Variants in ABCC1 observed in about 807,000 individuals in gnomAD.
ABCC1 encodes the protein ATP binding cassette subfamily C member 1 (ABCC1 blood group), also known as multidrug resistance-associated protein 1.
ABCC1 carries 83 observed loss-of-function variants against 172.9 expected under a neutral mutation model. The ratio of observed to expected loss-of-function variants is 0.48; its 90% CI spans 0.40 to 0.58. ABCC1 has a LOEUF of 0.58. Ranked by LOEUF, ABCC1 falls within the 20% of genes least tolerant of loss-of-function variation. ABCC1 has a pLI of 0.00. For synonymous variants in ABCC1, 937 were observed against 825.2 expected, an observed-to-expected ratio of 1.14 and a Z score of -2.32; for missense variants, 1,817 against 2,002.7, an observed-to-expected ratio of 0.91 and a Z score of 1.77.
intron 1 of ABCC1, among the ~76,000 whole-genome samples, chr16:15,960,003 AAC>A (rs1245371742): frequency 1.4e-4 from 21 of 152,172 alleles, no homozygotes; most frequent in African/African-American, 4.8e-4. Flanking sequence ...CTCTCTGAGG[AAC>A]CTCAGTGTAC....
intron 23 of ABCC1, among the ~76,000 whole-genome samples, chr16:16,118,241 C>A (rs1199133849): frequency 6.6e-6 from 1 of 152,084 alleles, no homozygotes; most frequent in African/African-American, 2.4e-5. Context: ...ATGAGGCTCA[C>A]CATATCTCAA....
chr16:16,055,725 G>A (rs2049622282), intron 11 of ABCC1, among the ~76,000 whole-genome samples: 1 of 151,710 alleles, frequency 6.6e-6, no homozygotes, highest in East Asian at 1.9e-4. Flanking sequence ...CTAACCTAAC[G>A]TGATTTGAAG....
intron 5 of ABCC1, among the ~76,000 whole-genome samples, chr16:16,026,968 T>C (rs1369662593): frequency 2.0e-5 from 3 of 152,118 alleles, no homozygotes; most frequent in East Asian, 3.9e-4. Context: ...AATGTCCTTG[T>C]TGCATTTGCA....
intron 20 of ABCC1, among the ~76,000 whole-genome samples, chr16:16,104,037 G>T (rs995468431): frequency 6.6e-6 from 1 of 151,898 alleles, no homozygotes; most frequent in Non-Finnish European, 1.5e-5. Flanking sequence ...TCTTAAGGTG[G>T]CGTGTCTGGA....
intron 28 of ABCC1, 90 bp downstream of exon 28, chr16:16,134,598 A>G (rs532032662): frequency 4.3e-6 from 6 of 1,402,902 alleles, no homozygotes; most frequent in South Asian, 2.5e-5. Flanking sequence ...TTTGGGGCAA[A>G]CATACATTTG....
rs751236070 is a variant in ABCC1, at chr16:16,131,915, A to G, written c.3946A>G (p.Thr1316Ala). Residue 1316 changes from threonine to alanine, a missense_variant, in exon 27 of 31, where the codon ACG (threonine) becomes GCG (alanine). Thr to Ala is a moderately conservative substitution (Grantham distance 58). Coordinates refer to ENST00000399410, the MANE Select transcript of ABCC1 (RefSeq NM_004996.4). ...LDFVLRHINV[T>A]INGGEKVGIV... ...CTTCGTTCTCAGGCACATCAATGTC[A>G]CGATCAATGGGGGAGAAAAGGTGGG... 36 of 1,613,728 alleles carry G rather than the reference A, an allele frequency of 2.2e-5. 1 individual carries two copies. In the Middle Eastern group the frequency reaches 8.2e-4, roughly 37 times the overall value.
chr16:16,119,657 C>T (rs889964505), intron 23 of ABCC1, among the ~76,000 whole-genome samples: 1 of 152,200 alleles, frequency 6.6e-6, no homozygotes, highest in Non-Finnish European at 1.5e-5. Flanking sequence ...TGCCACTGCA[C>T]TCCAGCCAGG....
intron 18 of ABCC1, among the ~76,000 whole-genome samples, chr16:16,089,503 G>A (rs898434953): frequency 1.6e-4 from 24 of 151,372 alleles, no homozygotes; most frequent in Admixed American, 2.6e-4. Flanking sequence ...AGCCGAGGTC[G>A]CACCACTGCA....
intron 21 of ABCC1, among the ~76,000 whole-genome samples, chr16:16,108,682 A>C (rs1172312699): frequency 1.4e-5 from 2 of 141,730 alleles, no homozygotes; most frequent in African/African-American, 2.7e-5. Flanking sequence ...TGCAGCCTCC[A>C]CCTCCCGGAT....
intron 1 of ABCC1, among the ~76,000 whole-genome samples, chr16:15,976,492 CCCAGG>C (rs2046494289): frequency 6.6e-6 from 1 of 152,082 alleles, no homozygotes; most frequent in South Asian, 2.1e-4. Context: ...TAGACTGAAA[CCCAGG>C]CAGTCTGTCT....
chr16:15,984,407 A>G (rs980886387), intron 1 of ABCC1, among the ~76,000 whole-genome samples: 12 of 150,814 alleles, frequency 8.0e-5, no homozygotes, highest in Non-Finnish European at 5.9e-5. Context: ...AGGCAATTGC[A>G]TTTGGGCAGA....
At chr16:15,950,306 C>T (rs1239482614) in intron 1 of ABCC1, among the ~76,000 whole-genome samples, 1 of 152,112 alleles carries the variant, frequency 6.6e-6, no homozygotes, top group Non-Finnish European at 1.5e-5. Context: ...GTCGTACAAG[C>T]CACATTACTC....
intron 20 of ABCC1, 25 bp downstream of exon 20, chr16:16,102,742 A>C: frequency 6.4e-7 from 1 of 1,552,240 alleles, no homozygotes; most frequent in Non-Finnish European, 8.7e-7. Flanking sequence ...GAAGGCCCCA[A>C]CCTAAGGACC....
chr16:16,033,197 G>A, intron 6 of ABCC1, 27 bp downstream of exon 6: 1 of 1,602,196 alleles, frequency 6.2e-7, no homozygotes, highest in Non-Finnish European at 8.6e-7. Context: ...CAGACCTCAG[G>A]GAGGTGGTGG....
At chr16:16,082,464 TTAGCAAAA>T (rs1456455051) in intron 16 of ABCC1, among the ~76,000 whole-genome samples, 1 of 152,204 alleles carries the variant, frequency 6.6e-6, no homozygotes, top group Non-Finnish European at 1.5e-5. Flanking sequence ...AGCATTTTCA[TTAGCAAAA>T]TACACAAAAC....
intron 17 of ABCC1, 85 bp downstream of exon 17, chr16:16,083,627 T>G: frequency 6.6e-7 from 1 of 1,517,278 alleles, no homozygotes; most frequent in Non-Finnish European, 9.0e-7. Context: ...GGGCTGTGAG[T>G]CTGCTGCTAT....
At chr16:16,083,629 T>A in intron 17 of ABCC1, 87 bp downstream of exon 17, 2 of 1,514,680 alleles carry the variant, frequency 1.3e-6, no homozygotes, top group Non-Finnish European at 1.8e-6. Flanking sequence ...GCTGTGAGTC[T>A]GCTGCTATCA....
At chr16:16,139,590 C>A (rs2046050807) in intron 30 of ABCC1, among the ~76,000 whole-genome samples, 1 of 103,884 alleles carries the variant, frequency 9.6e-6, no homozygotes, top group Admixed American at 1.6e-4. Context: ...CCAGCCTGGG[C>A]AACAGAGTGA....
At chr16:16,048,924 G>C (rs187689992) in intron 10 of ABCC1, among the ~76,000 whole-genome samples, 3 of 151,940 alleles carry the variant, frequency 2.0e-5, no homozygotes, top group Non-Finnish European at 4.4e-5. Flanking sequence ...CGGAGGTTGC[G>C]GTGAGCCGAG....
Sources: allele counts gnomAD v4.1 joint callset (sites outside exome capture counted in the v4.1 genomes callset), GRCh38; gene constraint gnomAD v4.1.1; transcripts MANE v1.5; gene names NCBI Gene and HGNC (gene_info 2026-07-23, HGNC 2026-07-21).